RANBP17: variants seen among roughly 807,000 people sequenced by gnomAD.
RANBP17 encodes ran-binding protein 17.
Under a neutral mutation model 141.2 loss-of-function variants are expected in RANBP17, and 158 were observed. The observed-to-expected ratio is 1.12, with a 90% confidence interval of 0.98 to 1.28. The LOEUF (loss-of-function observed/expected upper bound fraction) is 1.28, where lower values mean the gene tolerates loss of function less well. Ranked by LOEUF, RANBP17 falls within the 50% of genes most tolerant of loss-of-function variation. The probability of loss-of-function intolerance (pLI) is 0.00; values close to 1 mark genes in which losing one functional copy is unlikely to be tolerated. For missense variants in RANBP17, 1,438 were observed against 1,290.7 expected (o/e 1.11, Z -1.75); for synonymous variants, 430 against 450.0 (o/e 0.96, Z 0.56).
chr5:170,916,583 A>C lies in RANBP17; in HGVS notation c.953A>C (p.Gln318Pro), dbSNP rs1771991542. 1 of 1,538,460 alleles carries C rather than the reference A, an allele frequency of 6.5e-7. No homozygotes were observed. The highest frequency in any genetic ancestry group is 1.4e-5 in the African/African-American group (1 of 72,470). The change falls in exon 9 of 28, where the codon CAG (glutamine) becomes CCG (proline). Residue 318 changes from glutamine (Q) to proline (P), a missense_variant and splice_region_variant. By Grantham distance (76) the Gln-to-Pro change is moderately conservative (BLOSUM62 -1). Transcript: ENST00000523189. ...KGVKRILENP[Q>P]GLSDPGNYHE... ...GTAAAAAGGATACTTGAAAACCCTC[A>C]GGTATTTATGAAGTAATTTAATACT...
intron 14 of RANBP17, among the ~76,000 whole-genome samples, chr5:171,075,878 A>C (rs1425982115): frequency 6.6e-6 from 1 of 152,032 alleles, no homozygotes; most frequent in Admixed American, 6.6e-5. Flanking sequence ...GCTTGAACCT[A>C]GGAGGCGGAG....
Position 171,061,082 on chromosome 5 carries a change from A to G in RANBP17, c.1710+92705A>G, listed in dbSNP as rs375636722. Among the ~76,000 whole-genome samples the G allele has an allele frequency of 7.3e-4, 111 of 151,952 alleles. 1 individual carries two copies. The South Asian group carries it at 0.012, about 17-fold the overall frequency. On this transcript the variant is annotated intron_variant, in intron 14 of 27. Transcript: ENST00000523189. Reference sequence around the variant, plus strand: ...TCTTCATTAGTCTTGCTAGCGGTCTATCAATTTTGTTGATCCTTTCAAAAA... The same window carrying G: ...TCTTCATTAGTCTTGCTAGCGGTCTGTCAATTTTGTTGATCCTTTCAAAAA...
At chr5:170,888,429 A>G (rs937560620) in intron 3 of RANBP17, among the ~76,000 whole-genome samples, 1 of 152,202 alleles carries the variant, frequency 6.6e-6, no homozygotes, top group Admixed American at 6.5e-5. Context: ...TCTTGTACCT[A>G]CATATTTTGT....
rs1172049676 is a variant in RANBP17 at position 171,244,959 on chromosome 5, A to G, written c.2776+2139A>G. 3.3e-5 allele frequency among the ~76,000 whole-genome samples: 5 copies of G among 151,990 alleles called. No homozygotes were observed. The East Asian group carries it at 9.8e-4, about 30-fold the overall frequency. ...GCTAACACAGTGAAACCCCGTCTGT[A>G]CTAAAAATACAAAAACAAAATTAGC... is the stretch of plus-strand genomic sequence containing the variant. On this transcript the variant is annotated intron_variant, in intron 24 of 27. Coordinates refer to ENST00000523189, the MANE Select transcript of RANBP17 (RefSeq NM_022897.5).
intron 14 of RANBP17, among the ~76,000 whole-genome samples, chr5:170,998,045 T>G (rs1163497833): frequency 1.3e-5 from 2 of 151,662 alleles, no homozygotes; most frequent in Non-Finnish European, 2.9e-5. Flanking sequence ...AGGCCAGGGA[T>G]TTGAGACCAG....
intron 14 of RANBP17, among the ~76,000 whole-genome samples, chr5:171,080,837 G>A (rs1282292339): frequency 6.6e-6 from 1 of 152,142 alleles, no homozygotes; most frequent in Admixed American, 6.6e-5. Flanking sequence ...TGTAAGACTG[G>A]CCTTGGTAAT....
At chr5:171,078,421 G>A (rs1441127368) in intron 14 of RANBP17, among the ~76,000 whole-genome samples, 1 of 152,166 alleles carries the variant, frequency 6.6e-6, no homozygotes, top group African/African-American at 2.4e-5. Context: ...CTCCCAAAGT[G>A]CTGGGATTAC....
intron 14 of RANBP17, among the ~76,000 whole-genome samples, chr5:171,013,185 A>C (rs1284321569): frequency 4.6e-5 from 7 of 152,180 alleles, no homozygotes; most frequent in African/African-American, 1.7e-4. Flanking sequence ...AGCAGTTCCC[A>C]GAACTCAAGG....
chr5:171,270,563 A>C (rs540757286), intron 25 of RANBP17, among the ~76,000 whole-genome samples: 1 of 152,282 alleles, frequency 6.6e-6, no homozygotes, highest in South Asian at 2.1e-4. Context: ...CAACATTTCT[A>C]TGTGAAATTT....
intron 14 of RANBP17, among the ~76,000 whole-genome samples, chr5:171,102,622 A>G (rs956561027): frequency 9.2e-5 from 14 of 151,890 alleles, no homozygotes; most frequent in African/African-American, 2.7e-4. Context: ...TTCTCTGTCC[A>G]ATTTAGTTCC....
chr5:170,970,495 C>T (rs1561943698), intron 14 of RANBP17: 1 of 152,038 alleles, frequency 6.6e-6, no homozygotes. Context: ...ATTTCAGGTT[C>T]TTCAGCAGTC....
intron 14 of RANBP17, chr5:171,029,170 A>G (rs58922414): frequency 1.5e-4 from 30 of 200,984 alleles, no homozygotes; most frequent in African/African-American, 6.7e-4. Flanking sequence ...TTGATGATTA[A>G]TCACCTTATT....
At chr5:171,027,493 A>C (rs1781301343) in intron 14 of RANBP17, among the ~76,000 whole-genome samples, 1 of 151,946 alleles carries the variant, frequency 6.6e-6, no homozygotes, top group South Asian at 2.1e-4. Flanking sequence ...CTTTTTTCTG[A>C]AATTTTTTGT....
At chr5:171,166,088 C>T (rs1251794048) in intron 14 of RANBP17, among the ~76,000 whole-genome samples, 3 of 151,892 alleles carry the variant, frequency 2.0e-5, no homozygotes, top group East Asian at 1.9e-4. Flanking sequence ...GTAGTAGGCA[C>T]GTGAGATTTT....
intron 14 of RANBP17, among the ~76,000 whole-genome samples, chr5:171,134,480 G>A (rs1757135796): frequency 6.6e-6 from 1 of 152,188 alleles, no homozygotes; most frequent in Admixed American, 6.5e-5. Flanking sequence ...TTTTGAAGTT[G>A]TGGGAAATGT....
intron 3 of RANBP17, among the ~76,000 whole-genome samples, chr5:170,884,757 G>C (rs1769003733): frequency 6.6e-6 from 1 of 152,030 alleles, no homozygotes; most frequent in Non-Finnish European, 1.5e-5. Flanking sequence ...CTGTATCATA[G>C]AAAGGTCCAT....
intron 25 of RANBP17, among the ~76,000 whole-genome samples, chr5:171,291,958 A>G (rs2964518): frequency 0.99 from 151,267 of 152,360 alleles, 75,101 homozygotes; most frequent in East Asian, 1. Flanking sequence ...AGTAATTGGC[A>G]CATCACTTCA....
chr5:171,154,443 A>AT (rs900259241), intron 14 of RANBP17, among the ~76,000 whole-genome samples: 3 of 151,722 alleles, frequency 2.0e-5, no homozygotes, highest in Non-Finnish European at 2.9e-5. Context: ...TGCCCAGCTA[A>AT]TTTTTTTTGT....
Position 170,918,762 on chromosome 5 carries a change from G to T in RANBP17, c.1004G>T (p.Arg335Leu), listed in dbSNP as rs201397836. ...NYHEFCRFLARLKTNYQLGEL... is the reference protein window; with the variant it reads ...NYHEFCRFLALLKTNYQLGEL... The stretch of plus-strand genomic sequence containing the variant: ...CATGAATTTTGTCGATTTTTGGCTC[G>T]TTTAAAGACAAATTATCAGCTGGGA... The change falls in exon 10 of 28, where the codon CGT becomes CTT. Residue 335 changes from arginine to leucine, a missense_variant. Coordinates refer to ENST00000523189, the MANE Select transcript of RANBP17 (RefSeq NM_022897.5). 1 of 1,606,188 alleles carries T rather than the reference G, an allele frequency of 6.2e-7. No individual in the cohort carries two copies. The highest frequency in any genetic ancestry group is 2.3e-5 in the East Asian group (1 of 44,270).
Sources: gnomAD v4.1 joint callset for allele counts (sites outside exome capture counted in the v4.1 genomes callset) on GRCh38, gnomAD v4.1.1 for gene constraint, MANE v1.5 for transcripts, NCBI Gene and HGNC (gene_info 2026-07-23, HGNC 2026-07-21) for gene names.